The following UMAD1 variants were observed in gnomAD, a reference collection of about 807,000 sequenced individuals.
UMAD1 encodes the protein UBAP1-MVB12-associated (UMA)-domain containing protein 1.
In UMAD1, 8 loss-of-function variants were observed where a neutral mutation model predicts 6.1. That is an observed-to-expected ratio of 1.30 (90% confidence interval 0.76 to 2.35). The LOEUF is 2.35. UMAD1 is among the 30% of genes most tolerant of loss of function. The pLI is 0.00. For missense variants in UMAD1, 130 were observed against 78.4 expected (o/e 1.66, Z -2.49); for synonymous variants, 56 against 31.4 (o/e 1.78, Z -2.61).
At chr7:7,772,010 T>C (rs1412469125) in intron 2 of UMAD1, among the ~76,000 whole-genome samples, 1 of 152,154 alleles carries the variant, frequency 6.6e-6, no homozygotes, top group Non-Finnish European at 1.5e-5. Flanking sequence ...AGAAGCATGC[T>C]CTAACATTTT....
intron 1 of UMAD1, among the ~76,000 whole-genome samples, chr7:7,649,686 G>C (rs1443624822): frequency 6.6e-6 from 1 of 151,058 alleles, no homozygotes; most frequent in Non-Finnish European, 1.5e-5. Context: ...ATTCTTGTTG[G>C]TGGGGGGGCC....
At chr7:7,784,214 C>A (rs571410222) in intron 2 of UMAD1, among the ~76,000 whole-genome samples, 1 of 152,186 alleles carries the variant, frequency 6.6e-6, no homozygotes, top group South Asian at 2.1e-4. Context: ...ATTAAATCAG[C>A]AAAATCATTC....
chr7:7,840,973 A>G (rs567217544), intron 3 of UMAD1, among the ~76,000 whole-genome samples: 1 of 152,330 alleles, frequency 6.6e-6, no homozygotes, highest in Non-Finnish European at 1.5e-5. Context: ...TCTTATGTCA[A>G]AAACCTAAAG....
intron 3 of UMAD1, among the ~76,000 whole-genome samples, chr7:7,804,540 C>T (rs1782868644): frequency 6.6e-6 from 1 of 152,150 alleles, no homozygotes; most frequent in Non-Finnish European, 1.5e-5. Context: ...GGGCTTGGCG[C>T]CGTGCGCCTG....
At chr7:7,820,861 A>G (rs1461808009) in intron 3 of UMAD1, among the ~76,000 whole-genome samples, 1 of 152,210 alleles carries the variant, frequency 6.6e-6, no homozygotes, top group Non-Finnish European at 1.5e-5. Context: ...GCAAATAGTA[A>G]AGATGTGAAT....
intron 1 of UMAD1, among the ~76,000 whole-genome samples, chr7:7,654,835 A>G (rs1295972088): frequency 6.6e-6 from 1 of 151,554 alleles, no homozygotes; most frequent in African/African-American, 2.4e-5. Context: ...ACCTGGAGGC[A>G]GAGATTGCAG....
At chr7:7,834,729 C>G (rs1321718646) in intron 3 of UMAD1, among the ~76,000 whole-genome samples, 1 of 152,128 alleles carries the variant, frequency 6.6e-6, no homozygotes, top group African/African-American at 2.4e-5. Flanking sequence ...AACACCTGAT[C>G]TTCAAATACC....
In UMAD1 at chr7:7,831,700, C is replaced by T. The variant is rs1033164746; in HGVS notation, c.156+29957C>T. On this transcript the variant is annotated intron_variant, in intron 3 of 3. Transcript: ENST00000682710. The stretch of plus-strand genomic sequence containing the variant: ...TAACTTTGCTGTATTTCTTCATTGA[C>T]ACCGTTGGGATAATTGCCTTTCATA... 7.2e-5 allele frequency among the ~76,000 whole-genome samples: 11 copies of T among 152,174 alleles called. No individual in the cohort carries two copies. In the East Asian group the frequency reaches 1.2e-3, roughly 16 times the overall value.
chr7:7,805,914 A>G (rs1782904166), intron 3 of UMAD1, among the ~76,000 whole-genome samples: 1 of 152,138 alleles, frequency 6.6e-6, no homozygotes, highest in African/African-American at 2.4e-5. Context: ...TTCATTTGCT[A>G]TCTGCTTCTC....
chr7:7,826,096 A>G (rs1563238055), intron 3 of UMAD1, among the ~76,000 whole-genome samples: 3 of 152,160 alleles, frequency 2.0e-5, no homozygotes, highest in Admixed American at 2.0e-4. Context: ...GGTTGAATCC[A>G]TGGATATTGA....
chr7:7,704,531 G>A (rs1269539523), intron 2 of UMAD1, among the ~76,000 whole-genome samples: 4 of 150,102 alleles, frequency 2.7e-5, no homozygotes, highest in Admixed American at 1.3e-4. Flanking sequence ...CGAGGTGGGC[G>A]GATCACAAAG....
intron 2 of UMAD1, among the ~76,000 whole-genome samples, chr7:7,747,099 C>T (rs1781587408): frequency 6.6e-6 from 1 of 151,836 alleles, no homozygotes; most frequent in African/African-American, 2.4e-5. Context: ...AAGTTGCCTT[C>T]GAGTGCATGG....
chr7:7,762,695 GA>G (rs1379980117), intron 2 of UMAD1, among the ~76,000 whole-genome samples: 1 of 152,164 alleles, frequency 6.6e-6, no homozygotes, highest in Admixed American at 6.5e-5. Context: ...ACAGAGACAG[GA>G]TTCCCTGTCT....
intron 2 of UMAD1, among the ~76,000 whole-genome samples, chr7:7,729,159 G>A (rs1444798487): frequency 6.6e-6 from 1 of 152,202 alleles, no homozygotes; most frequent in African/African-American, 2.4e-5. Flanking sequence ...TTTAATGGCT[G>A]TTTGGTGGGA....
intron 2 of UMAD1, among the ~76,000 whole-genome samples, chr7:7,678,302 C>G (rs1779799780): frequency 6.6e-6 from 1 of 150,952 alleles, no homozygotes; most frequent in Non-Finnish European, 1.5e-5. Context: ...GATGATATCT[C>G]ATTTTGATTT....
At chr7:7,697,704 A>C (rs1220259377) in intron 2 of UMAD1, among the ~76,000 whole-genome samples, 2 of 152,240 alleles carry the variant, frequency 1.3e-5, no homozygotes, top group East Asian at 3.8e-4. Context: ...ATTTTAACAT[A>C]AAATGCTTTA....
chr7:7,643,434 G>C (rs1350986912), intron 1 of UMAD1, among the ~76,000 whole-genome samples: 1 of 152,238 alleles, frequency 6.6e-6, no homozygotes, highest in Non-Finnish European at 1.5e-5. Context: ...ATCAGGGCCG[G>C]GCGCGGTGGC....
chr7:7,699,058 G>GT (rs1491364489), intron 2 of UMAD1, among the ~76,000 whole-genome samples: 1 of 142,540 alleles, frequency 7.0e-6, no homozygotes, highest in African/African-American at 2.6e-5. Context: ...GTGGGGGGGG[G>GT]GTAGATACCA....
At chr7:7,873,327 T>C (rs986605140) in intron 3 of UMAD1, among the ~76,000 whole-genome samples, 3 of 152,180 alleles carry the variant, frequency 2.0e-5, no homozygotes, top group African/African-American at 7.2e-5. Context: ...TGAGGTTTTA[T>C]GGTGCACCCA....
Sources: gnomAD v4.1 joint callset for allele counts (sites outside exome capture counted in the v4.1 genomes callset) on GRCh38, gnomAD v4.1.1 for gene constraint, MANE v1.5 for transcripts, NCBI Gene and HGNC (gene_info 2026-07-23, HGNC 2026-07-21) for gene names.